Variants in CLSTN2 observed in about 807,000 individuals in gnomAD.
CLSTN2 encodes the protein calsyntenin 2.
Under a neutral mutation model 101.2 loss-of-function variants are expected in CLSTN2, and 48 were observed. The ratio of observed to expected loss-of-function variants is 0.47; its 90% CI spans 0.38 to 0.60. CLSTN2 has a LOEUF of 0.60. Ranked by LOEUF, CLSTN2 falls within the 20% of genes least tolerant of loss-of-function variation. CLSTN2 has a pLI of 0.00. For synonymous variants in CLSTN2, 481 were observed against 463.6 expected (o/e 1.04, Z -0.48); for missense variants, 1,160 against 1,238.2 (o/e 0.94, Z 0.95).
At chr3:140,028,207 G>A (rs189418043) in intron 1 of CLSTN2, among the ~76,000 whole-genome samples, 13 of 152,264 alleles carry the variant, frequency 8.5e-5, no homozygotes, top group Non-Finnish European at 1.9e-4. Flanking sequence ...GGAAGGTCGT[G>A]TTTCTTAAGT....
chr3:140,144,489 G>T (rs1057332913), intron 1 of CLSTN2, among the ~76,000 whole-genome samples: 1 of 152,062 alleles, frequency 6.6e-6, no homozygotes, highest in Non-Finnish European at 1.5e-5. Context: ...GGTGGTGGGT[G>T]CCTATAATCC....
chr3:140,237,841 C>T (rs1373562322), intron 2 of CLSTN2, among the ~76,000 whole-genome samples: 1 of 152,030 alleles, frequency 6.6e-6, no homozygotes, highest in African/African-American at 2.4e-5. Context: ...ATTTATTTTA[C>T]AAATGGTGAA....
intron 2 of CLSTN2, among the ~76,000 whole-genome samples, chr3:140,306,982 G>A (rs1380443313): frequency 6.6e-6 from 1 of 151,864 alleles, no homozygotes; most frequent in South Asian, 2.1e-4. Context: ...GAAGGTACCT[G>A]GTGGGAGGTA....
intron 9 of CLSTN2, among the ~76,000 whole-genome samples, chr3:140,542,231 A>C (rs1019502281): frequency 3.9e-5 from 6 of 152,188 alleles, no homozygotes; most frequent in African/African-American, 1.4e-4. Context: ...CAATTTACTC[A>C]TATTTTTATT....
chr3:140,229,523 G>A (rs1262813992), intron 2 of CLSTN2, among the ~76,000 whole-genome samples: 2 of 151,706 alleles, frequency 1.3e-5, no homozygotes, highest in African/African-American at 4.8e-5. Flanking sequence ...CCAGGGCTCT[G>A]GGCCTCAGAT....
intron 1 of CLSTN2, among the ~76,000 whole-genome samples, chr3:140,065,646 A>G (rs770696424): frequency 1.3e-5 from 2 of 152,124 alleles, no homozygotes; most frequent in Non-Finnish European, 2.9e-5. Context: ...CCCAGACTTA[A>G]CTGGTCTCTA....
intron 6 of CLSTN2, among the ~76,000 whole-genome samples, chr3:140,456,358 T>C (rs1933398057): frequency 6.6e-6 from 1 of 152,212 alleles, no homozygotes; most frequent in African/African-American, 2.4e-5. Flanking sequence ...GCTCTTTATC[T>C]GTAACCTGGA....
chr3:140,479,844 G>T (rs554671135), intron 8 of CLSTN2, among the ~76,000 whole-genome samples: 2 of 152,202 alleles, frequency 1.3e-5, no homozygotes, highest in South Asian at 4.1e-4. Flanking sequence ...AAACACCATC[G>T]TAAAGATTGA....
At chr3:140,526,628 A>AAAC (rs956278660) in intron 8 of CLSTN2, among the ~76,000 whole-genome samples, 3,809 of 145,298 alleles carry the variant, frequency 0.026, 164 homozygotes, top group African/African-American at 0.095. Flanking sequence ...AATACTGAGC[A>AAAC]AACAACAACA....
chr3:140,490,366 C>T (rs1012599575), intron 8 of CLSTN2, among the ~76,000 whole-genome samples: 1 of 151,268 alleles, frequency 6.6e-6, no homozygotes, highest in East Asian at 2.0e-4. Flanking sequence ...ATGCTAGACA[C>T]ATCCCCAGAA....
At chr3:140,421,430 G>A (rs574075708) in intron 5 of CLSTN2, among the ~76,000 whole-genome samples, 156 bp downstream of exon 5, 7 of 152,286 alleles carry the variant, frequency 4.6e-5, no homozygotes, top group African/African-American at 1.7e-4. Flanking sequence ...CAACTCTTAG[G>A]TGATATATTA....
chr3:140,160,041 T>TA (rs936832672), intron 1 of CLSTN2, among the ~76,000 whole-genome samples: 4 of 151,884 alleles, frequency 2.6e-5, no homozygotes, highest in South Asian at 2.1e-4. Context: ...GGGTGTATGT[T>TA]AAAAAAACTT....
chr3:140,370,800 G>T (rs895726386), intron 2 of CLSTN2, among the ~76,000 whole-genome samples: 10 of 152,190 alleles, frequency 6.6e-5, no homozygotes, highest in Non-Finnish European at 1.2e-4. Flanking sequence ...GCTCCCAGCA[G>T]TTGGGGGCAT....
At chr3:140,367,579 A>G (rs2087806807) in intron 2 of CLSTN2, among the ~76,000 whole-genome samples, 1 of 151,104 alleles carries the variant, frequency 6.6e-6, no homozygotes, top group African/African-American at 2.4e-5. Flanking sequence ...TTGGAACTTG[A>G]CTATTACAGA....
At chr3:140,075,294 T>C (rs76577470) in intron 1 of CLSTN2, among the ~76,000 whole-genome samples, 7,325 of 152,244 alleles carry the variant, frequency 0.048, 571 homozygotes, top group African/African-American at 0.16. Flanking sequence ...TATTTGTCCT[T>C]CCTTCACTTA....
intron 5 of CLSTN2, among the ~76,000 whole-genome samples, chr3:140,429,053 G>A (rs2088601869): frequency 6.6e-6 from 1 of 152,146 alleles, no homozygotes. Context: ...TAACACTTTT[G>A]TGTTGAAAAG....
rs1299409501 is a variant in CLSTN2, at chr3:140,359,940, C to G, written c.233-43689C>G. Among the ~76,000 whole-genome samples the G allele has an allele frequency of 4.0e-5, 6 of 151,570 alleles. No individual in the cohort carries two copies. In the East Asian group the frequency reaches 1.2e-3, roughly 29 times the overall value. Reference sequence around the variant, plus strand: ...ATAGATGTTGATATAAATATATACACTTTATATATGTATTTATATGTAATA... The same window carrying G: ...ATAGATGTTGATATAAATATATACAGTTTATATATGTATTTATATGTAATA... On this transcript the variant is annotated intron_variant, in intron 2 of 16. Coordinates refer to ENST00000458420, the MANE Select transcript of CLSTN2 (RefSeq NM_022131.3).
chr3:140,162,038 C>A (rs1223310102), intron 1 of CLSTN2, among the ~76,000 whole-genome samples: 1 of 152,086 alleles, frequency 6.6e-6, no homozygotes, highest in African/African-American at 2.4e-5. Context: ...TGGGAAGAGT[C>A]TCATTGTTTT....
chr3:140,231,155 C>T (rs898713416), intron 2 of CLSTN2, among the ~76,000 whole-genome samples: 8 of 152,120 alleles, frequency 5.3e-5, no homozygotes, highest in Non-Finnish European at 1.0e-4. Context: ...GTAGAAGGAA[C>T]CACTATTAAG....
Sources: gnomAD v4.1 joint callset for allele counts (sites outside exome capture counted in the v4.1 genomes callset) on GRCh38, gnomAD v4.1.1 for gene constraint, MANE v1.5 for transcripts, NCBI Gene and HGNC (gene_info 2026-07-23, HGNC 2026-07-21) for gene names.